ESR1: variants seen among roughly 807,000 people sequenced by gnomAD.
The protein encoded by ESR1 is estrogen receptor.
Under a neutral mutation model 52.7 loss-of-function variants are expected in ESR1, and 12 were observed. The ratio of observed to expected loss-of-function variants is 0.23; its 90% CI spans 0.15 to 0.37. The LOEUF (loss-of-function observed/expected upper bound fraction) is 0.37, where lower values mean the gene tolerates loss of function less well. ESR1 is among the 10% of genes least tolerant of loss of function. ESR1 has a pLI of 1.00. For missense variants in ESR1, 584 were observed against 779.7 expected, an observed-to-expected ratio of 0.75 and a Z score of 2.99; for synonymous variants, 305 against 316.8, an observed-to-expected ratio of 0.96 and a Z score of 0.39.
chr6:151,660,429 G>A (rs2115195566), intron 1 of ESR1, among the ~76,000 whole-genome samples: 1 of 152,262 alleles, frequency 6.6e-6, no homozygotes, highest in South Asian at 2.1e-4. Flanking sequence ...TCAAACTATT[G>A]GCCCTTTCAA....
chr6:151,782,486 G>A (rs1274353635), intron 2 of ESR1, among the ~76,000 whole-genome samples: 1 of 152,156 alleles, frequency 6.6e-6, no homozygotes, highest in Non-Finnish European at 1.5e-5. Context: ...TTCGGTAAAT[G>A]ATGCTTCAAT....
chr6:151,741,576 T>G (rs1199010775), intron 2 of ESR1, among the ~76,000 whole-genome samples: 2 of 152,204 alleles, frequency 1.3e-5, no homozygotes, highest in South Asian at 2.1e-4. Flanking sequence ...TTTGGTGTAT[T>G]TTTTCCAGCT....
chr6:151,822,413 T>C (rs530567602), intron 1 of ESR1, among the ~76,000 whole-genome samples: 3 of 152,302 alleles, frequency 2.0e-5, no homozygotes, highest in Admixed American at 6.5e-5. Flanking sequence ...TCTAAGGAGC[T>C]GAAAACAAAG....
chr6:152,010,276 C>T (rs1387352635), intron 4 of ESR1, among the ~76,000 whole-genome samples: 1 of 152,016 alleles, frequency 6.6e-6, no homozygotes, highest in Non-Finnish European at 1.5e-5. Flanking sequence ...AAGAAACATC[C>T]TGTAAGCAGA....
At chr6:152,067,989 T>G (rs1011580048) in intron 6 of ESR1, among the ~76,000 whole-genome samples, 2 of 152,358 alleles carry the variant, frequency 1.3e-5, no homozygotes, top group African/African-American at 4.8e-5. Context: ...ATAGCTCTTA[T>G]GGAAGTATAA....
In ESR1 at chr6:151,889,628, T is replaced by C. The variant is rs1017854263; in HGVS notation, c.760+8857T>C. Among the ~76,000 whole-genome samples the C allele has an allele frequency of 5.9e-5, 9 of 152,168 alleles. No individual in the cohort carries two copies. In the South Asian group the frequency reaches 8.3e-4, roughly 14 times the overall value. ...AATTCGTAGTTTCACTGATCTTTTG[T>C]TTTGTGTTTTTAGTCTCAATTTTAT... On this transcript the variant is annotated intron_variant, in intron 3 of 7. Coordinates refer to ENST00000206249, the MANE Select transcript of ESR1 (RefSeq NM_000125.4).
intron 4 of ESR1, among the ~76,000 whole-genome samples, chr6:151,980,738 C>A (rs993292727): frequency 9.9e-5 from 15 of 152,198 alleles, no homozygotes; most frequent in African/African-American, 3.6e-4. Flanking sequence ...GAGTCTCATT[C>A]TGTTGCCCAG....
intron 2 of ESR1, among the ~76,000 whole-genome samples, chr6:151,876,827 A>G (rs1791900103): frequency 6.6e-6 from 1 of 152,130 alleles, no homozygotes. Flanking sequence ...GGGCAAGAAA[A>G]TAGTGCGGAT....
chr6:151,940,511 T>C (rs191648058), intron 3 of ESR1, among the ~76,000 whole-genome samples: 1 of 152,356 alleles, frequency 6.6e-6, no homozygotes, highest in Non-Finnish European at 1.5e-5. Context: ...ACCTGAATCA[T>C]ACAGTTGTGA....
At chr6:151,850,043 ATT>A (rs1380390406) in intron 2 of ESR1, among the ~76,000 whole-genome samples, 6 of 118,688 alleles carry the variant, frequency 5.1e-5, no homozygotes, top group African/African-American at 2.1e-4. Flanking sequence ...TATATATATA[ATT>A]TTATATATAT....
chr6:152,034,372 A>G (rs569608209), intron 5 of ESR1, among the ~76,000 whole-genome samples: 5 of 152,284 alleles, frequency 3.3e-5, no homozygotes, highest in African/African-American at 1.2e-4. Flanking sequence ...GTTCATACAT[A>G]CAAAGGATAC....
chr6:151,719,742 T>G (rs75212262), intron 2 of ESR1, among the ~76,000 whole-genome samples: 2,968 of 152,280 alleles, frequency 0.019, 70 homozygotes, highest in East Asian at 0.054. Flanking sequence ...TTCCCTTAGA[T>G]CACTAGGAAA....
intron 1 of ESR1, among the ~76,000 whole-genome samples, chr6:151,840,255 T>A (rs1267850735): frequency 3.3e-5 from 5 of 152,206 alleles, no homozygotes; most frequent in Admixed American, 2.6e-4. Flanking sequence ...TCCTACTGAC[T>A]TGAATCATGC....
chr6:152,011,787 T>A lies in ESR1; in HGVS notation c.1228T>A (p.Leu410Met), dbSNP rs2128779371. Residue 410 changes from leucine (L) to methionine (M), a missense_variant, in exon 5 of 8, where the codon TTG becomes ATG. Leu to Met is a conservative substitution (Grantham distance 15, BLOSUM62 2). Transcript: ENST00000206249. ...GCTACTGTTTGCTCCTAACTTGCTC[T>A]TGGACAGGTAAGTGACCTGGCTGTA... ...GKLLFAPNLL[L>M]DRNQGKCVEG... 2 of 1,612,988 alleles carry A rather than the reference T, an allele frequency of 1.2e-6. No individual in the cohort carries two copies. Among genetic ancestry groups the A allele is most frequent in the African/African-American group, 1.3e-5 (1 of 74,910 alleles).
chr6:151,738,901 A>G (rs1782869995), intron 2 of ESR1, among the ~76,000 whole-genome samples: 2 of 152,164 alleles, frequency 1.3e-5, no homozygotes, highest in African/African-American at 4.8e-5. Context: ...AGGCATTGGG[A>G]CAATGTTGAT....
At chr6:151,973,743 G>A (rs1261172192) in intron 4 of ESR1, among the ~76,000 whole-genome samples, 1 of 152,178 alleles carries the variant, frequency 6.6e-6, no homozygotes, top group Non-Finnish European at 1.5e-5. Flanking sequence ...ATGCCACCTT[G>A]ATAGAAAGTG....
At position 152,023,189 on chromosome 6, in the gene ESR1, G is replaced by A. The variant is rs563486241; in HGVS notation, c.1235+11395G>A. ...AATTTATAAAAGAGAAAATGGGGGTGGAATATTACAAAAAAGGAACTATAA... is the reference window on the plus strand; with the variant it reads ...AATTTATAAAAGAGAAAATGGGGGTAGAATATTACAAAAAAGGAACTATAA... On this transcript the variant is annotated intron_variant, in intron 5 of 7. Coordinates refer to ENST00000206249, the MANE Select transcript of ESR1 (RefSeq NM_000125.4). Among the ~76,000 whole-genome samples, 15 of 152,082 alleles carry A rather than the reference G, an allele frequency of 9.9e-5. No individual in the cohort carries two copies. The East Asian group carries it at 2.7e-3, about 27-fold the overall frequency.
intron 1 of ESR1, among the ~76,000 whole-genome samples, chr6:151,841,956 C>T (rs1198745194): frequency 2.6e-5 from 4 of 152,144 alleles, no homozygotes; most frequent in Admixed American, 2.6e-4. Context: ...AGGGCTTAAA[C>T]AATTCTCCTG....
At chr6:151,663,994 T>C (rs889092079) in intron 1 of ESR1, among the ~76,000 whole-genome samples, 1 of 152,230 alleles carries the variant, frequency 6.6e-6, no homozygotes, top group African/African-American at 2.4e-5. Context: ...TGTTTAAAGA[T>C]GTTCTTTCTA....
Sources: gnomAD v4.1 joint callset for allele counts (sites outside exome capture counted in the v4.1 genomes callset) on GRCh38, gnomAD v4.1.1 for gene constraint, MANE v1.5 for transcripts, NCBI Gene and HGNC (gene_info 2026-07-23, HGNC 2026-07-21) for gene names.